CENPI: variants seen among roughly 807,000 people sequenced by gnomAD.
CENPI encodes the protein centromere protein I, also known as FSH primary response 1.
CENPI carries 4 observed loss-of-function variants against 60.4 expected under a neutral mutation model. That is an observed-to-expected ratio of 0.07 (90% CI 0.03 to 0.15). The LOEUF is 0.15. Ranked by LOEUF, CENPI falls within the 10% of genes least tolerant of loss-of-function variation. The pLI, the probability that CENPI is intolerant of heterozygous loss-of-function variation, is 1.00. For synonymous variants in CENPI, 157 were observed against 189.4 expected, an observed-to-expected ratio of 0.83 and a Z score of 1.40; for missense variants, 444 against 534.5, an observed-to-expected ratio of 0.83 and a Z score of 1.67.
At chrX:101,158,806 T>C (rs1166296847) in intron 20 of CENPI, among the ~76,000 whole-genome samples, 1 of 110,785 alleles carries the variant, frequency 9.0e-6, no homozygotes, top group African/African-American at 3.3e-5. Context: ...AATATTTGTA[T>C]TTTTAGTAGG....
chrX:101,127,019 G>A, intron 9 of CENPI, 119 bp from the exon 10 acceptor site: 6 of 636,214 alleles, frequency 9.4e-6, no homozygotes, highest in Non-Finnish European at 1.2e-5. Flanking sequence ...TACTTTAAGT[G>A]CATTTGTATG....
chrX:101,144,087 CTTTT>C (rs58858609), intron 16 of CENPI, among the ~76,000 whole-genome samples: 1 of 79,621 alleles, frequency 1.3e-5, no homozygotes. Context: ...TTTTCTTTTT[CTTTT>C]TTTTTTTTTT....
intron 15 of CENPI, among the ~76,000 whole-genome samples, chrX:101,135,089 A>G (rs2089833476): frequency 1.8e-5 from 2 of 111,575 alleles, no homozygotes; most frequent in South Asian, 3.8e-4. Flanking sequence ...ACGAGTAGCT[A>G]TAGTTGGAGT....
At chrX:101,101,507 A>G (rs2089416276) in intron 3 of CENPI, among the ~76,000 whole-genome samples, 1 of 111,104 alleles carries the variant, frequency 9.0e-6, no homozygotes, top group African/African-American at 3.3e-5. Flanking sequence ...AAACGGCTGC[A>G]TATTGGGATC....
At chrX:101,153,785 T>C (rs1333200866) in intron 20 of CENPI, among the ~76,000 whole-genome samples, 2 of 112,280 alleles carry the variant, frequency 1.8e-5, no homozygotes, top group Non-Finnish European at 3.8e-5. Context: ...AATTTCACTT[T>C]TTTTTCCTAT....
intron 8 of CENPI, among the ~76,000 whole-genome samples, chrX:101,122,000 T>A (rs2089684840): frequency 9.3e-6 from 1 of 107,722 alleles, no homozygotes; most frequent in Non-Finnish European, 1.9e-5. Context: ...GATGGTGGTC[T>A]CATCATGTTG....
intron 5 of CENPI, 117 bp from the exon 6 acceptor site, chrX:101,109,774 T>C: frequency 1.7e-6 from 1 of 583,595 alleles, no homozygotes; most frequent in Non-Finnish European, 2.8e-6. Flanking sequence ...AATCTATTAT[T>C]CTACTTTGTG....
At chrX:101,158,007 T>C (rs1273277553) in intron 20 of CENPI, among the ~76,000 whole-genome samples, 3 of 111,510 alleles carry the variant, frequency 2.7e-5, no homozygotes, top group Admixed American at 9.6e-5. Flanking sequence ...TCTACCTCCA[T>C]GAGAACCACT....
intron 12 of CENPI, 86 bp downstream of exon 12, chrX:101,128,922 C>A: frequency 1.3e-6 from 1 of 776,226 alleles, no homozygotes; most frequent in Non-Finnish European, 1.9e-6. Flanking sequence ...CAGGAGCCTT[C>A]ATATGCTGTA....
chrX:101,131,201 G>A (rs2089792684), intron 13 of CENPI, among the ~76,000 whole-genome samples: 1 of 110,471 alleles, frequency 9.1e-6, no homozygotes, highest in African/African-American at 3.3e-5. Flanking sequence ...TGTAAAAACG[G>A]GGATTTACCA....
intron 6 of CENPI, 56 bp downstream of exon 6, chrX:101,110,054 T>C (rs1448722393): frequency 3.0e-6 from 2 of 658,962 alleles, no homozygotes; most frequent in African/African-American, 4.3e-5. Flanking sequence ...GTGTGTATAT[T>C]GATGCACCAT....
intron 20 of CENPI, among the ~76,000 whole-genome samples, chrX:101,156,007 CTCTTTTTTTTT>C (rs111748355): frequency 0.22 from 23,639 of 109,022 alleles, 1,984 homozygotes; most frequent in South Asian, 0.32. Context: ...ATAACTTATC[CTCTTTTTTTTT>C]TCTTTTTTTT....
intron 20 of CENPI, among the ~76,000 whole-genome samples, chrX:101,148,949 CAGAG>C (rs2089984503): frequency 9.0e-6 from 1 of 111,562 alleles, no homozygotes; most frequent in Middle Eastern, 4.7e-3. Context: ...GTGTTGTCCT[CAGAG>C]AGCTTAACAT....
intron 4 of CENPI, among the ~76,000 whole-genome samples, chrX:101,105,814 T>C (rs35565334): frequency 0.28 from 31,303 of 111,200 alleles, 3,370 homozygotes; most frequent in African/African-American, 0.36. Flanking sequence ...TCAAAATGCA[T>C]GCCTCAGACT....
At chrX:101,146,346 A>G in intron 18 of CENPI, 69 bp downstream of exon 18, 1 of 1,003,279 alleles carries the variant, frequency 1.0e-6, no homozygotes, top group Admixed American at 2.8e-5. Flanking sequence ...CAGCTATAAT[A>G]CAATAAATAT....
chrX:101,154,521 C>T (rs1022158468), intron 20 of CENPI, among the ~76,000 whole-genome samples: 1 of 110,867 alleles, frequency 9.0e-6, no homozygotes, highest in Admixed American at 9.7e-5. Context: ...GCGGAGGTTG[C>T]GGTGAGCTGA....
intron 11 of CENPI, 130 bp from the exon 12 acceptor site, chrX:101,128,586 T>C (rs770432151): frequency 1.7e-6 from 1 of 575,135 alleles, no homozygotes; most frequent in Admixed American, 2.9e-5. Context: ...TGCCTCAGCC[T>C]CCCAAAGTGT....
At chrX:101,171,445 T>C in the CENPI span, among the ~76,000 whole-genome samples, 1 of 112,116 alleles carries the variant, frequency 8.9e-6, no homozygotes, top group East Asian at 2.8e-4. Context: ...CAGAAAACTT[T>C]TTTTTATTTT....
At chrX:101,113,233 A>C (rs1407277351) in intron 6 of CENPI, among the ~76,000 whole-genome samples, 1 of 106,450 alleles carries the variant, frequency 9.4e-6, no homozygotes, top group Non-Finnish European at 1.9e-5. Flanking sequence ...CCTGGCTTAT[A>C]TGCTGTTGTT....
Sources: gnomAD v4.1 joint callset for allele counts (sites outside exome capture counted in the v4.1 genomes callset) on GRCh38, gnomAD v4.1.1 for gene constraint, MANE v1.5 for transcripts, NCBI Gene and HGNC (gene_info 2026-07-23, HGNC 2026-07-21) for gene names.